ARHGAP44: variants seen among roughly 807,000 people sequenced by gnomAD.
ARHGAP44 encodes the protein Rho GTPase activating protein 44.
In ARHGAP44, 43 loss-of-function variants were observed where a neutral mutation model predicts 106.8. The ratio of observed to expected loss-of-function variants is 0.40; its 90% CI spans 0.32 to 0.52. The LOEUF (loss-of-function observed/expected upper bound fraction) is 0.52, where lower values mean the gene tolerates loss of function less well. ARHGAP44 is among the 20% of genes least tolerant of loss of function. The pLI is 0.48. For synonymous variants in ARHGAP44, 439 were observed against 410.3 expected (o/e 1.07, Z -0.85); for missense variants, 866 against 1,050.5 (o/e 0.82, Z 2.43).
intron 1 of ARHGAP44, among the ~76,000 whole-genome samples, chr17:12,885,891 T>A (rs1319851136): frequency 6.6e-6 from 1 of 152,190 alleles, no homozygotes. Flanking sequence ...TTTTCTTTTA[T>A]GAATCATGGT....
At chr17:12,889,573 A>G (rs2036980633) in intron 1 of ARHGAP44, among the ~76,000 whole-genome samples, 1 of 152,150 alleles carries the variant, frequency 6.6e-6, no homozygotes, top group African/African-American at 2.4e-5. Flanking sequence ...CAACACAGGA[A>G]CTTCAGGAGA....
intron 1 of ARHGAP44, among the ~76,000 whole-genome samples, chr17:12,881,359 C>A (rs1052929991): frequency 1.3e-5 from 2 of 151,782 alleles, no homozygotes; most frequent in Admixed American, 6.6e-5. Flanking sequence ...AGAGTAGAAA[C>A]CCTATTTCTT....
At chr17:12,918,378 C>T (rs544278884) in intron 5 of ARHGAP44, among the ~76,000 whole-genome samples, 1 of 152,128 alleles carries the variant, frequency 6.6e-6, no homozygotes, top group Non-Finnish European at 1.5e-5. Context: ...ATATAAAAAC[C>T]GCAGCCCGAG....
chr17:12,814,647 A>G (rs1424159850), intron 1 of ARHGAP44, among the ~76,000 whole-genome samples: 1 of 152,128 alleles, frequency 6.6e-6, no homozygotes, highest in Admixed American at 6.5e-5. Flanking sequence ...ATTGATGGGA[A>G]TATATGTTTA....
At chr17:12,918,733 G>A (rs2037988080) in intron 5 of ARHGAP44, among the ~76,000 whole-genome samples, 1 of 152,060 alleles carries the variant, frequency 6.6e-6, no homozygotes, top group Non-Finnish European at 1.5e-5. Context: ...TTTGCCTCAG[G>A]TCTGTGTCAG....
At chr17:12,886,692 G>C (rs935489231) in intron 1 of ARHGAP44, among the ~76,000 whole-genome samples, 2 of 151,770 alleles carry the variant, frequency 1.3e-5, no homozygotes, top group Non-Finnish European at 2.9e-5. Context: ...TTTTTTATAG[G>C]TTCCTTGGCA....
At chr17:12,905,210 T>G (rs76262754) in intron 3 of ARHGAP44, among the ~76,000 whole-genome samples, 3,128 of 152,136 alleles carry the variant, frequency 0.021, 113 homozygotes, top group African/African-American at 0.072. Context: ...TCTTTTCCTA[T>G]AATAGATATG....
chr17:12,926,602 G>A (rs1050680408), intron 6 of ARHGAP44, among the ~76,000 whole-genome samples: 10 of 148,990 alleles, frequency 6.7e-5, no homozygotes, highest in African/African-American at 9.8e-5. Flanking sequence ...AAATGTATAT[G>A]TTTTTAAAGC....
chr17:12,905,241 G>A (rs6502213), intron 3 of ARHGAP44, among the ~76,000 whole-genome samples: 108,399 of 151,928 alleles, frequency 0.71, 39,247 homozygotes, highest in East Asian at 0.98. Context: ...AGATAGGGCA[G>A]GAGGGAGAGG....
chr17:12,920,915 G>A (rs1000637373), intron 6 of ARHGAP44, among the ~76,000 whole-genome samples: 1 of 152,172 alleles, frequency 6.6e-6, no homozygotes, highest in African/African-American at 2.4e-5. Context: ...GTCAGAGCAG[G>A]AATTGTGCAC....
intron 3 of ARHGAP44, among the ~76,000 whole-genome samples, chr17:12,900,531 T>C (rs1186464883): frequency 6.6e-6 from 1 of 152,194 alleles, no homozygotes; most frequent in African/African-American, 2.4e-5. Flanking sequence ...CTTGCATTTC[T>C]CATTAGGAAG....
At position 12,857,765 on chromosome 17, in the gene ARHGAP44, G is replaced by GTTATTTAT. The variant is rs56164347; in HGVS notation, c.54-37134_54-37127dup. On this transcript the variant is annotated intron_variant, in intron 1 of 20. Coordinates refer to ENST00000379672, the MANE Select transcript of ARHGAP44 (RefSeq NM_014859.6). ...AAACTTTATTGCTTCGGTTGCCCAT[G>GTTATTTAT]TTATTTATTTATTTATTTATTTATT... 1.2e-3 allele frequency among the ~76,000 whole-genome samples: 172 copies of GTTATTTAT among 145,626 alleles called. 1 individual carries two copies. Among genetic ancestry groups the GTTATTTAT allele is most frequent in the South Asian group, 4.5e-3 (20 of 4,398 alleles).
At chr17:12,840,730 A>G (rs1243723025) in intron 1 of ARHGAP44, among the ~76,000 whole-genome samples, 3 of 152,178 alleles carry the variant, frequency 2.0e-5, no homozygotes, top group African/African-American at 7.2e-5. Context: ...AAGGTGCCCC[A>G]TGTAAAGAGC....
At chr17:12,838,261 T>C (rs1365385153) in intron 1 of ARHGAP44, among the ~76,000 whole-genome samples, 1 of 152,236 alleles carries the variant, frequency 6.6e-6, no homozygotes, top group Non-Finnish European at 1.5e-5. Flanking sequence ...GAAAAAAAAG[T>C]AGGATACATA....
chr17:12,853,515 G>T (rs2035822603), intron 1 of ARHGAP44, among the ~76,000 whole-genome samples: 1 of 152,164 alleles, frequency 6.6e-6, no homozygotes. Context: ...TGCAAGAAAG[G>T]TTTGGCAGTC....
rs1240955555 is a variant in ARHGAP44 at position 12,863,891 on chromosome 17, A to G, written c.54-31049A>G. Among the ~76,000 whole-genome samples, 3 of 152,146 alleles carry G rather than the reference A, an allele frequency of 2.0e-5. No individual in the cohort carries two copies. The East Asian group carries it at 5.8e-4, about 29-fold the overall frequency. ...GGGCTTAAATGCTGGGGCTGGTGTC[A>G]TTTGGAGTTGTGTTCGCTCACCTGT... On this transcript the variant is annotated intron_variant, in intron 1 of 20. Transcript: ENST00000379672.
At chr17:12,985,104 C>A in intron 20 of ARHGAP44, 196 bp downstream of exon 20, 1 of 646,328 alleles carries the variant, frequency 1.5e-6, no homozygotes, top group Non-Finnish European at 2.5e-6. Context: ...ATGTGTCCCA[C>A]ACAGGGGCTT....
chr17:12,821,228 C>T (rs935648620), intron 1 of ARHGAP44, among the ~76,000 whole-genome samples: 6 of 152,082 alleles, frequency 3.9e-5, no homozygotes, highest in Non-Finnish European at 5.9e-5. Flanking sequence ...AAAACAAAAA[C>T]GTGGGCATGG....
chr17:12,930,441 T>G (rs1395214528), intron 7 of ARHGAP44, among the ~76,000 whole-genome samples: 1 of 152,144 alleles, frequency 6.6e-6, no homozygotes, highest in Non-Finnish European at 1.5e-5. Context: ...TTTTACCATA[T>G]TGGCCAGGCT....
Sources: allele counts gnomAD v4.1 joint callset (sites outside exome capture counted in the v4.1 genomes callset), GRCh38; gene constraint gnomAD v4.1.1; transcripts MANE v1.5; gene names NCBI Gene and HGNC (gene_info 2026-07-23, HGNC 2026-07-21).